LRMDA: variants seen among roughly 807,000 people sequenced by gnomAD.
LRMDA encodes the protein leucine rich melanocyte differentiation associated.
In LRMDA, 18 loss-of-function variants were observed where a neutral mutation model predicts 29.8. The ratio of observed to expected loss-of-function variants is 0.60; its 90% CI spans 0.42 to 0.90. The LOEUF (loss-of-function observed/expected upper bound fraction) is 0.90, where lower values mean the gene tolerates loss of function less well. Among genes scored for constraint, LRMDA ranks in the 40% least tolerant of loss-of-function variants. The probability of loss-of-function intolerance (pLI) is 0.00; values close to 1 mark genes in which losing one functional copy is unlikely to be tolerated. For synonymous variants in LRMDA, 125 were observed against 109.4 expected (o/e 1.14, Z -0.89); for missense variants, 273 against 273.9 (o/e 1.00, Z 0.02).
intron 2 of LRMDA, among the ~76,000 whole-genome samples, chr10:75,653,648 A>G (rs780921826): frequency 8.5e-5 from 13 of 152,212 alleles, no homozygotes; most frequent in Non-Finnish European, 1.6e-4. Flanking sequence ...ATACACATGT[A>G]CGTATGCTTC....
chr10:76,539,289 T>C (rs1843326763), intron 6 of LRMDA, among the ~76,000 whole-genome samples: 2 of 151,998 alleles, frequency 1.3e-5, no homozygotes, highest in African/African-American at 4.8e-5. Context: ...AAAGAGAAGG[T>C]CTGTATCATG....
chr10:76,299,627 C>A (rs988051186), intron 5 of LRMDA, among the ~76,000 whole-genome samples: 2 of 145,578 alleles, frequency 1.4e-5, no homozygotes, highest in African/African-American at 5.1e-5. Context: ...TTATGGGACT[C>A]ATTCCTGCAA....
chr10:76,163,530 A>G (rs1850684612), intron 5 of LRMDA, among the ~76,000 whole-genome samples: 1 of 152,302 alleles, frequency 6.6e-6, no homozygotes, highest in Admixed American at 6.5e-5. Flanking sequence ...AAATGATGCT[A>G]TACATAAAGC....
intron 2 of LRMDA, among the ~76,000 whole-genome samples, chr10:75,856,288 G>T (rs1032797902): frequency 2.0e-5 from 3 of 152,156 alleles, no homozygotes; most frequent in African/African-American, 7.2e-5. Flanking sequence ...CATGTCCGTT[G>T]TAAGTTGGAT....
intron 4 of LRMDA, among the ~76,000 whole-genome samples, chr10:76,057,489 G>A (rs961867928): frequency 2.0e-5 from 3 of 152,168 alleles, no homozygotes; most frequent in Admixed American, 6.5e-5. Context: ...CTTACAGTTT[G>A]GGTAAGGACA....
chr10:76,028,752 T>G (rs1007638226), intron 2 of LRMDA, among the ~76,000 whole-genome samples: 1 of 152,216 alleles, frequency 6.6e-6, no homozygotes, highest in African/African-American at 2.4e-5. Context: ...CTACCTAAGA[T>G]TGTCATTTTC....
intron 2 of LRMDA, among the ~76,000 whole-genome samples, chr10:75,838,829 T>A (rs1370441833): frequency 6.6e-6 from 1 of 152,242 alleles, no homozygotes; most frequent in Non-Finnish European, 1.5e-5. Context: ...AGAGTGAAGA[T>A]GTGTATTTAA....
intron 6 of LRMDA, among the ~76,000 whole-genome samples, chr10:76,431,598 A>G (rs908302781): frequency 6.6e-6 from 1 of 152,212 alleles, no homozygotes; most frequent in Non-Finnish European, 1.5e-5. Context: ...AATAACCAAT[A>G]ATAAGAGTAT....
intron 5 of LRMDA, among the ~76,000 whole-genome samples, chr10:76,183,049 G>A (rs1851082550): frequency 6.6e-6 from 1 of 152,196 alleles, no homozygotes; most frequent in Admixed American, 6.5e-5. Context: ...GGACCCAAAA[G>A]AGGACAGTCT....
rs1841740921 is a variant in LRMDA at position 76,392,939 on chromosome 10, A to T, written c.601+68454A>T. On this transcript the variant is annotated intron_variant, in intron 6 of 6. Coordinates refer to ENST00000611255, the MANE Select transcript of LRMDA (RefSeq NM_001305581.2). Reference sequence around the variant, plus strand: ...CCACATATAAGTGAGATCATGTGGTATTTGTCTTTCTTTGCCAGGCATATT... The same window carrying T: ...CCACATATAAGTGAGATCATGTGGTTTTTGTCTTTCTTTGCCAGGCATATT... Among the ~76,000 whole-genome samples, 6 of 152,032 alleles carry T rather than the reference A, an allele frequency of 3.9e-5. 1 individual carries two copies. Among genetic ancestry groups the T allele is most frequent in the Admixed American group, 3.9e-4 (6 of 15,262 alleles).
chr10:76,274,682 A>G (rs1840109435), intron 5 of LRMDA, among the ~76,000 whole-genome samples: 1 of 152,210 alleles, frequency 6.6e-6, no homozygotes. Context: ...ATGATGGAAC[A>G]TCTCTACTTT....
intron 6 of LRMDA, among the ~76,000 whole-genome samples, chr10:76,353,471 T>A (rs1021272592): frequency 2.6e-5 from 4 of 152,036 alleles, no homozygotes; most frequent in African/African-American, 9.7e-5. Context: ...ACTGAAGTAG[T>A]CCTGACAAAT....
chr10:76,094,105 CTT>C (rs1484407411), intron 5 of LRMDA, among the ~76,000 whole-genome samples: 1 of 152,170 alleles, frequency 6.6e-6, no homozygotes, highest in African/African-American at 2.4e-5. Flanking sequence ...GTGGTCCAGA[CTT>C]TGGTCTCCCA....
intron 5 of LRMDA, among the ~76,000 whole-genome samples, chr10:76,233,823 C>T (rs887407552): frequency 1.3e-5 from 2 of 152,208 alleles, no homozygotes; most frequent in Non-Finnish European, 1.5e-5. Context: ...TCAGGCTTCT[C>T]TTCTAATTCT....
At chr10:76,241,396 G>T (rs1852275395) in intron 5 of LRMDA, among the ~76,000 whole-genome samples, 1 of 152,102 alleles carries the variant, frequency 6.6e-6, no homozygotes, top group Non-Finnish European at 1.5e-5. Flanking sequence ...TTTGATGATG[G>T]TGACCTAAGT....
intron 5 of LRMDA, among the ~76,000 whole-genome samples, chr10:76,201,830 A>G (rs1851436656): frequency 6.6e-6 from 1 of 152,164 alleles, no homozygotes; most frequent in Non-Finnish European, 1.5e-5. Flanking sequence ...ACAATTAGTG[A>G]CTTAAAACAG....
intron 5 of LRMDA, among the ~76,000 whole-genome samples, chr10:76,061,274 G>A (rs556140715): frequency 6.6e-6 from 1 of 152,272 alleles, no homozygotes; most frequent in South Asian, 2.1e-4. Context: ...TGCAGGAACA[G>A]AAAAACAAAT....
chr10:76,330,312 T>A (rs146374816), intron 6 of LRMDA, among the ~76,000 whole-genome samples: 1 of 152,150 alleles, frequency 6.6e-6, no homozygotes, highest in Non-Finnish European at 1.5e-5. Flanking sequence ...TTTATGCTTA[T>A]GTTGATGAAG....
intron 5 of LRMDA, among the ~76,000 whole-genome samples, chr10:76,183,840 T>A (rs557008935): frequency 6.6e-5 from 10 of 152,194 alleles, no homozygotes; most frequent in African/African-American, 4.8e-5. Context: ...TACCTAAGCC[T>A]CCCAAGTAGC....
Sources: allele counts gnomAD v4.1 joint callset (sites outside exome capture counted in the v4.1 genomes callset), GRCh38; gene constraint gnomAD v4.1.1; transcripts MANE v1.5; gene names NCBI Gene and HGNC (gene_info 2026-07-23, HGNC 2026-07-21).